The following OPRD1 variants were observed in gnomAD, a reference collection of about 807,000 sequenced individuals.
The protein encoded by OPRD1 is delta-type opioid receptor.
Under a neutral mutation model 17.5 loss-of-function variants are expected in OPRD1, and 19 were observed. The ratio of observed to expected loss-of-function variants is 1.09; its 90% CI spans 0.76 to 1.60. The LOEUF (loss-of-function observed/expected upper bound fraction) is 1.60. OPRD1 is among the 40% of genes most tolerant of loss of function. The pLI is 0.00. For synonymous variants in OPRD1, 256 were observed against 240.9 expected, an observed-to-expected ratio of 1.06 and a Z score of -0.58; for missense variants, 483 against 547.2, an observed-to-expected ratio of 0.88 and a Z score of 1.17.
intron 1 of OPRD1, among the ~76,000 whole-genome samples, chr1:28,814,180 G>T (rs940284646): frequency 6.6e-6 from 1 of 151,974 alleles, no homozygotes; most frequent in Non-Finnish European, 1.5e-5. Flanking sequence ...TCCCCACTTC[G>T]CAGGCTTCGA....
intron 1 of OPRD1, among the ~76,000 whole-genome samples, chr1:28,845,077 G>GC (rs1443910329): frequency 2.0e-5 from 3 of 152,040 alleles, no homozygotes; most frequent in African/African-American, 7.2e-5. Context: ...GGGCATGGTG[G>GC]CTCATGCCTG....
intron 1 of OPRD1, among the ~76,000 whole-genome samples, chr1:28,828,059 G>A (rs976408242): frequency 6.6e-6 from 1 of 152,094 alleles, no homozygotes; most frequent in Non-Finnish European, 1.5e-5. Context: ...ATGGCAACTA[G>A]AATGGTGAAT....
At chr1:28,829,014 G>C (rs1357919301) in intron 1 of OPRD1, among the ~76,000 whole-genome samples, 4 of 151,718 alleles carry the variant, frequency 2.6e-5, no homozygotes, top group Non-Finnish European at 5.9e-5. Flanking sequence ...AGGAGAGAGA[G>C]GGAGCATCAG....
At position 28,865,318 on chromosome 1, in the gene OPRD1, A is replaced by T. The variant is rs2089166895; in HGVS notation, c.*2035A>T. The T allele has an allele frequency of 6.6e-6, 1 of 152,274 alleles. No individual in the cohort carries two copies. Among genetic ancestry groups the T allele is most frequent in the African/African-American group, 2.4e-5 (1 of 41,458 alleles). The allele number at this position is 152,274 out of a possible 1,614,324, so 9.4% of individuals were successfully genotyped here. The stretch of plus-strand genomic sequence containing the variant: ...TTTAATTTTCTTCCTTTTTTGGGAC[A>T]GATGGAAAGAAATTGACGTCTTTGT... On this transcript the variant is annotated 3_prime_UTR_variant, in exon 3 of 3. Coordinates refer to ENST00000234961, the MANE Select transcript of OPRD1 (RefSeq NM_000911.4).
chr1:28,823,829 C>T (rs529956913), intron 1 of OPRD1, among the ~76,000 whole-genome samples: 1 of 151,672 alleles, frequency 6.6e-6, no homozygotes, highest in Admixed American at 6.6e-5. Context: ...GTGCCCAGCC[C>T]GTCTTTCTTG....
chr1:28,858,115 C>CTTT lies in OPRD1; in HGVS notation c.228-826_228-824dup, dbSNP rs1233337916. 3.8e-3 allele frequency among the ~76,000 whole-genome samples: 426 copies of CTTT among 112,962 alleles called. 5 individuals are homozygous for CTTT. The highest frequency in any genetic ancestry group is 0.013 in the African/African-American group (396 of 29,456). The allele number at this position is 112,962 out of a possible 152,430, so 74.1% of individuals were successfully genotyped here. A position where few individuals can be genotyped will look rare whatever the true frequency, so the allele number is the denominator to read the frequency against. ...CGGCCTAGGATTTTTCTTTTTTTTTCTTTTTTTTTTTTTTTGAGACGGAGT... is the reference window on the plus strand; with the variant it reads ...CGGCCTAGGATTTTTCTTTTTTTTTCTTTTTTTTTTTTTTTTTTGAGACGGAGT... On this transcript the variant is annotated intron_variant, in intron 1 of 2. Transcript: ENST00000234961.
chr1:28,814,492 G>A (rs1318216017), intron 1 of OPRD1, among the ~76,000 whole-genome samples: 1 of 152,232 alleles, frequency 6.6e-6, no homozygotes, highest in East Asian at 1.9e-4. Context: ...CCTGAGAGTA[G>A]CTGTGATTCT....
intron 1 of OPRD1, among the ~76,000 whole-genome samples, chr1:28,822,648 A>G (rs2088725873): frequency 6.9e-6 from 1 of 145,944 alleles, no homozygotes; most frequent in African/African-American, 2.5e-5. Context: ...TGCCCGGTTA[A>G]TTTTTTTTTT....
chr1:28,850,537 G>A (rs1431418472), intron 1 of OPRD1, among the ~76,000 whole-genome samples: 1 of 151,210 alleles, frequency 6.6e-6, no homozygotes, highest in Non-Finnish European at 1.5e-5. Flanking sequence ...TGGTCAGGCT[G>A]GTCTCCAACT....
At chr1:28,836,249 C>T (rs1480086517) in intron 1 of OPRD1, among the ~76,000 whole-genome samples, 1 of 152,160 alleles carries the variant, frequency 6.6e-6, no homozygotes, top group Admixed American at 6.6e-5. Flanking sequence ...GGCGCGGTGG[C>T]TCACGTCTGT....
At chr1:28,843,020 G>T (rs2088907540) in intron 1 of OPRD1, among the ~76,000 whole-genome samples, 1 of 151,824 alleles carries the variant, frequency 6.6e-6, no homozygotes, top group Non-Finnish European at 1.5e-5. Context: ...GTACCAAAAG[G>T]GCTGCAATTT....
rs1306193657 is a variant in OPRD1, at chr1:28,812,518, C to T, written c.135C>T (p.Ser45=). 4.4e-6 allele frequency: 7 copies of T among 1,578,958 alleles called. No homozygotes were observed. Among genetic ancestry groups the T allele is most frequent in the Non-Finnish European group, 5.1e-6 (6 of 1,170,384 alleles). The change falls in exon 1 of 3, where the codon TCC becomes TCT. Residue 45 remains serine, a synonymous_variant. Transcript: ENST00000234961. ...SGPPGARSAS[S]LALAIAITAL... is the part of the protein sequence containing the mutation. ...CGCCAGGCGCGCGGAGCGCCTCGTCCCTCGCCCTGGCAATCGCCATCACCG... is the reference window on the plus strand; with the variant it reads ...CGCCAGGCGCGCGGAGCGCCTCGTCTCTCGCCCTGGCAATCGCCATCACCG...
chr1:28,862,863 T>A lies in OPRD1; in HGVS notation c.699T>A (p.Tyr233Ter). The A allele has an allele frequency of 6.2e-7, 1 of 1,612,824 alleles. No homozygotes were observed. Among genetic ancestry groups the A allele is most frequent in the Non-Finnish European group, 8.5e-7 (1 of 1,180,018 alleles). ...VVPILIITVC[Y>*]GLMLLRLRSV... ...CCATCCTCATCATCACCGTGTGCTATGGCCTCATGCTGCTGCGCCTGCGCA... is the reference window on the plus strand; with the variant it reads ...CCATCCTCATCATCACCGTGTGCTAAGGCCTCATGCTGCTGCGCCTGCGCA... Residue 233 changes from tyrosine (Y) to a stop codon, truncating the protein, a stop_gained, in exon 3 of 3, where the codon TAT becomes TAA. Transcript: ENST00000234961. LOFTEE classifies it high-confidence loss of function.
In OPRD1 at chr1:28,812,554, G is replaced by T; in HGVS notation, c.171G>T (p.Ser57=). Residue 57 remains serine, a synonymous_variant, in exon 1 of 3, where the codon TCG becomes TCT. Transcript: ENST00000234961. ...ALAIAITALY[S]AVCAVGLLGN... The stretch of plus-strand genomic sequence containing the variant: ...CAATCGCCATCACCGCGCTCTACTC[G>T]GCCGTGTGCGCCGTGGGGCTGCTGG... The T allele has an allele frequency of 2.5e-6, 4 of 1,582,576 alleles. No individual in the cohort carries two copies. The highest frequency in any genetic ancestry group is 3.4e-6 in the Non-Finnish European group (4 of 1,171,160).
chr1:28,833,444 G>A (rs916317725), intron 1 of OPRD1, among the ~76,000 whole-genome samples: 1 of 152,210 alleles, frequency 6.6e-6, no homozygotes, highest in African/African-American at 2.4e-5. Context: ...TCTGAAAGTG[G>A]TAGGTGGAAA....
In OPRD1 at chr1:28,812,366, C is replaced by T. The variant is rs886282430; in HGVS notation, c.-18C>T. 25 of 1,364,398 alleles carry T rather than the reference C, an allele frequency of 1.8e-5. No homozygotes were observed. In the African/African-American group the frequency reaches 3.4e-4, roughly 18 times the overall value. 84.5% of individuals were successfully genotyped at this position (1,364,398 alleles called of 1,614,324 possible). The stretch of plus-strand genomic sequence containing the variant: ...GGGCGCACGGTGGAGAGGGACGCGG[C>T]GGAGCCGGCCGGCAGCCATGGAACC... On this transcript the variant is annotated 5_prime_UTR_variant, in exon 1 of 3. Coordinates refer to ENST00000234961, the MANE Select transcript of OPRD1 (RefSeq NM_000911.4).
rs1178151265 is a variant in OPRD1 at position 28,866,209 on chromosome 1, G to A, written c.*2926G>A. ...ATGATTGCACCTCAGTGTGATGAGT[G>A]CGGTGACAGGGAGCCCCAGGGAGGG... On this transcript the variant is annotated 3_prime_UTR_variant, in exon 3 of 3. Coordinates refer to ENST00000234961, the MANE Select transcript of OPRD1 (RefSeq NM_000911.4). 2 of 152,230 alleles carry A rather than the reference G, an allele frequency of 1.3e-5. No individual in the cohort carries two copies. Among genetic ancestry groups the A allele is most frequent in the African/African-American group, 4.8e-5 (2 of 41,440 alleles). 9.4% of individuals were successfully genotyped at this position (152,230 alleles called of 1,614,324 possible). A position where few individuals can be genotyped will look rare whatever the true frequency, so the allele number is the denominator to read the frequency against.
chr1:28,854,642 T>A (rs1293441686), intron 1 of OPRD1, among the ~76,000 whole-genome samples: 3 of 151,372 alleles, frequency 2.0e-5, no homozygotes. Context: ...ATCACAGATG[T>A]CTCTTGTGAG....
chr1:28,832,009 G>A (rs2088811715), intron 1 of OPRD1, among the ~76,000 whole-genome samples: 1 of 152,112 alleles, frequency 6.6e-6, no homozygotes. Context: ...ACTTGCCCAG[G>A]GCCACAGTTA....
Sources: gnomAD v4.1 joint callset for allele counts (sites outside exome capture counted in the v4.1 genomes callset) on GRCh38, gnomAD v4.1.1 for gene constraint, MANE v1.5 for transcripts, NCBI Gene and HGNC (gene_info 2026-07-23, HGNC 2026-07-21) for gene names.